Variants in POT1 observed in about 807,000 individuals in gnomAD.
POT1 encodes the protein protection of telomeres 1, also known as protection of telomeres protein 1.
POT1 carries 47 observed loss-of-function variants against 78.5 expected under a neutral mutation model. The ratio of observed to expected loss-of-function variants is 0.60; its 90% CI spans 0.47 to 0.76. POT1 has a LOEUF of 0.76. Among genes scored for constraint, POT1 ranks in the 30% least tolerant of loss-of-function variants. The pLI is 0.00. For missense variants in POT1, 646 were observed against 749.9 expected, an observed-to-expected ratio of 0.86 and a Z score of 1.62; for synonymous variants, 259 against 260.7, an observed-to-expected ratio of 0.99 and a Z score of 0.06.
intron 12 of POT1, among the ~76,000 whole-genome samples, chr7:124,844,277 C>T (rs1233867298): frequency 6.6e-6 from 1 of 151,246 alleles, no homozygotes; most frequent in Non-Finnish European, 1.5e-5. Flanking sequence ...TACAGGCATG[C>T]ACCACCACGC....
intron 5 of POT1, among the ~76,000 whole-genome samples, chr7:124,894,570 T>C (rs796324420): frequency 2.6e-5 from 4 of 151,756 alleles, no homozygotes; most frequent in African/African-American, 9.6e-5. Context: ...AAATTGATAT[T>C]TTTTGCTTCT....
chr7:124,838,650 G>C (rs1394002950), intron 14 of POT1, among the ~76,000 whole-genome samples: 1 of 151,576 alleles, frequency 6.6e-6, no homozygotes, highest in African/African-American at 2.4e-5. Flanking sequence ...TTGTTACCCA[G>C]GCTGGAGTGC....
intron 3 of POT1, among the ~76,000 whole-genome samples, chr7:124,902,194 C>T (rs995971628): frequency 2.6e-5 from 4 of 152,008 alleles, no homozygotes; most frequent in Admixed American, 6.5e-5. Context: ...AGATGCTCCT[C>T]GAGAAGAGCA....
At chr7:124,831,507 T>C (rs1794756727) in intron 15 of POT1, among the ~76,000 whole-genome samples, 1 of 152,176 alleles carries the variant, frequency 6.6e-6, no homozygotes, top group Non-Finnish European at 1.5e-5. Context: ...TCATTCCATT[T>C]TTTACTACAA....
intron 6 of POT1, among the ~76,000 whole-genome samples, chr7:124,881,133 G>A (rs745525622): frequency 4.0e-5 from 6 of 151,832 alleles, no homozygotes; most frequent in Non-Finnish European, 8.8e-5. Flanking sequence ...ATTGTTCTGC[G>A]ATCACCGAGT....
At chr7:124,848,694 T>G (rs1584762863) in intron 11 of POT1, 1 of 166,900 alleles carries the variant, frequency 6.0e-6, no homozygotes, top group African/African-American at 2.5e-5. Flanking sequence ...AAGAGATATG[T>G]AGAAATAAAT....
chr7:124,852,897 C>A, intron 10 of POT1, 75 bp downstream of exon 10: 1 of 1,336,674 alleles, frequency 7.5e-7, no homozygotes, highest in Non-Finnish European at 1.0e-6. Context: ...CTATCAGAAG[C>A]CCCAGGAACA....
intron 2 of POT1, among the ~76,000 whole-genome samples, chr7:124,918,832 A>C (rs1284696840): frequency 6.6e-6 from 1 of 152,112 alleles, no homozygotes; most frequent in African/African-American, 2.4e-5. Context: ...GCTGCCCTAT[A>C]TAAACTCCTA....
chr7:124,851,362 T>C (rs1461400339), intron 11 of POT1, among the ~76,000 whole-genome samples: 1 of 152,126 alleles, frequency 6.6e-6, no homozygotes, highest in African/African-American at 2.4e-5. Flanking sequence ...CAATGCACAC[T>C]GAAAGCTTTC....
intron 14 of POT1, among the ~76,000 whole-genome samples, chr7:124,837,955 GATC>G (rs1391119184): frequency 3.3e-5 from 5 of 152,036 alleles, no homozygotes; most frequent in Admixed American, 2.0e-4. Flanking sequence ...AAAATTGTAT[GATC>G]ATATTAATAG....
intron 12 of POT1, among the ~76,000 whole-genome samples, chr7:124,844,732 CAAAAAAAAAA>C (rs33956452): frequency 3.2e-5 from 2 of 62,882 alleles, no homozygotes; most frequent in African/African-American, 6.4e-5. Context: ...GACTCCGCCT[CAAAAAAAAAA>C]AAAAAAAAAA....
intron 3 of POT1, among the ~76,000 whole-genome samples, chr7:124,914,191 T>C (rs1357650244): frequency 6.6e-6 from 1 of 151,616 alleles, no homozygotes; most frequent in Non-Finnish European, 1.5e-5. Flanking sequence ...TTGTACTCCA[T>C]TGATCTCTGT....
chr7:124,893,686 C>T (rs10954048), intron 5 of POT1, among the ~76,000 whole-genome samples: 90,934 of 151,260 alleles, frequency 0.6, 27,465 homozygotes, highest in African/African-American at 0.65. Flanking sequence ...CCTGAATTTG[C>T]ACATGCAACC....
rs1030300110 is a variant in POT1 at position 124,823,767 on chromosome 7, A to G, written c.*195T>C. 48 of 533,958 alleles carry G rather than the reference A, an allele frequency of 9.0e-5. 1 individual carries two copies. The South Asian group carries it at 1.2e-3, about 13-fold the overall frequency. The allele number at this position is 533,958 out of a possible 1,614,324, so 33.1% of individuals were successfully genotyped here. ...CTCTTTGTACAAAAGCAAAACAGAAAGCAAAACAAAATCCATAGCCATTAT... is the reference window on the plus strand; with the variant it reads ...CTCTTTGTACAAAAGCAAAACAGAAGGCAAAACAAAATCCATAGCCATTAT... On this transcript the variant is annotated 3_prime_UTR_variant, in exon 19 of 19. Coordinates refer to ENST00000357628, the MANE Select transcript of POT1 (RefSeq NM_015450.3).
At chr7:124,874,650 G>A (rs936299246) in intron 6 of POT1, among the ~76,000 whole-genome samples, 3 of 151,620 alleles carry the variant, frequency 2.0e-5, no homozygotes, top group African/African-American at 2.4e-5. Context: ...CAGGAGAATC[G>A]CTTGAGCCTG....
At chr7:124,865,380 C>T (rs890069880) in intron 7 of POT1, among the ~76,000 whole-genome samples, 1 of 152,022 alleles carries the variant, frequency 6.6e-6, no homozygotes, top group African/African-American at 2.4e-5. Context: ...TATTTTATTT[C>T]CCTTCACCCT....
At chr7:124,905,202 G>T (rs1640062681) in intron 3 of POT1, among the ~76,000 whole-genome samples, 1 of 152,134 alleles carries the variant, frequency 6.6e-6, no homozygotes, top group South Asian at 2.1e-4. Flanking sequence ...AACAAAGCTG[G>T]ACGCATCACA....
At chr7:124,920,738 T>C (rs2116710593) in intron 2 of POT1, among the ~76,000 whole-genome samples, 1 of 152,290 alleles carries the variant, frequency 6.6e-6, no homozygotes, top group Admixed American at 6.5e-5. Flanking sequence ...AGCTATTTCC[T>C]AGTTTTAACC....
intron 3 of POT1, among the ~76,000 whole-genome samples, chr7:124,910,886 T>C (rs1796875011): frequency 1.3e-5 from 2 of 152,010 alleles, no homozygotes; most frequent in African/African-American, 2.4e-5. Context: ...GCATAACACA[T>C]TGATACACTC....
Sources: gnomAD v4.1 joint callset for allele counts (sites outside exome capture counted in the v4.1 genomes callset) on GRCh38, gnomAD v4.1.1 for gene constraint, MANE v1.5 for transcripts, NCBI Gene and HGNC (gene_info 2026-07-23, HGNC 2026-07-21) for gene names.